Variants in C3orf52 observed in about 807,000 individuals in gnomAD.
C3orf52 encodes chromosome 3 open reading frame 52, also known as TPA-induced transmembrane protein.
A neutral mutation model predicts 24.8 loss-of-function variants in C3orf52; 22 were observed. The ratio of observed to expected loss-of-function variants is 0.89; its 90% CI spans 0.63 to 1.27. The LOEUF (loss-of-function observed/expected upper bound fraction) is 1.27, where lower values mean the gene tolerates loss of function less well. C3orf52 is among the 50% of genes most tolerant of loss of function. C3orf52 has a pLI of 0.00. For synonymous variants in C3orf52, 93 were observed against 100.2 expected, an observed-to-expected ratio of 0.93 and a Z score of 0.43; for missense variants, 265 against 260.7, an observed-to-expected ratio of 1.02 and a Z score of -0.11.
Position 112,113,080 on chromosome 3 carries a change from T to A in C3orf52, c.584T>A (p.Phe195Tyr). 4.3e-6 allele frequency: 7 copies of A among 1,611,446 alleles called. No homozygotes were observed. The highest frequency in any genetic ancestry group is 5.9e-6 in the Non-Finnish European group (7 of 1,178,916). ...GTGCTGGGCATTTTGCTACAGGATT[T>A]CCGTGATCAGAATATACCTGGTTGT... is the stretch of plus-strand genomic sequence containing the variant. ...ELVLGILLQD[F>Y]RDQNIPGCES... Residue 195 changes from phenylalanine to tyrosine, a missense_variant, in exon 5 of 6, where the codon TTC becomes TAC. Phe to Tyr is a conservative substitution (Grantham distance 22). Transcript: ENST00000264848.
Position 112,116,579 on chromosome 3 carries a change from C to T in C3orf52, c.650-63C>T, listed in dbSNP as rs554992404. 213 of 1,340,298 alleles carry T rather than the reference C, an allele frequency of 1.6e-4. 2 individuals carry two copies. The South Asian group carries it at 2.0e-3, about 13-fold the overall frequency. 83.0% of individuals were successfully genotyped at this position (1,340,298 alleles called of 1,614,324 possible). ...AAAATTCAATGAAATGAAATGAAAA[C>T]GTAAGCATTTAATAGTGGTTTTAAA... On this transcript the variant is annotated intron_variant, in intron 5 of 5. Transcript: ENST00000264848.
chr3:112,127,905 G>C, intron 4 of C3orf52: 1 of 809,970 alleles, frequency 1.2e-6, no homozygotes, highest in Non-Finnish European at 2.1e-6. Context: ...ATTGTATCTG[G>C]GCTACTGACA....
chr3:112,130,421 G>T (rs1205867951), downstream of C3orf52: 41 of 1,596,500 alleles, frequency 2.6e-5, no homozygotes, highest in Non-Finnish European at 3.3e-5. Context: ...GGTCTGGGGG[G>T]TGTTTGGTTG....
intron 4 of C3orf52, chr3:112,109,874 C>A: frequency 2.8e-6 from 1 of 356,406 alleles, no homozygotes; most frequent in Admixed American, 4.2e-5. Flanking sequence ...AAGCCAGTCC[C>A]AGGTAAACCA....
intron 5 of C3orf52, among the ~76,000 whole-genome samples, chr3:112,115,954 A>G (rs1244729816): frequency 1.3e-5 from 2 of 152,098 alleles, no homozygotes; most frequent in African/African-American, 4.8e-5. Context: ...AGGAGGGGGA[A>G]GTCTGTTTTA....
At chr3:112,106,504 A>T (rs1446297539) in intron 3 of C3orf52, among the ~76,000 whole-genome samples, 1 of 152,030 alleles carries the variant, frequency 6.6e-6, no homozygotes, top group Non-Finnish European at 1.5e-5. Flanking sequence ...CACTCCTATA[A>T]CCCAGGAAAC....
chr3:112,133,260 G>A, downstream of C3orf52: 8 of 853,994 alleles, frequency 9.4e-6, no homozygotes, highest in South Asian at 1.1e-4. Context: ...AAGGAGAAGG[G>A]TGTCTCTGCA....
intron 2 of C3orf52, among the ~76,000 whole-genome samples, chr3:112,099,085 C>T (rs1288471713): frequency 1.3e-5 from 2 of 152,146 alleles, no homozygotes; most frequent in South Asian, 2.1e-4. Context: ...TGCTCTTTCT[C>T]TCTCTCTCCT....
At chr3:112,120,360 A>G (rs565112768), downstream of C3orf52, among the ~76,000 whole-genome samples, 34 of 152,330 alleles carry the variant, frequency 2.2e-4, no homozygotes, top group South Asian at 3.1e-3. Context: ...CGAAGCATCT[A>G]TCACTCAAGT....
At chr3:112,108,992 T>C (rs980920560) in intron 3 of C3orf52, among the ~76,000 whole-genome samples, 6 of 152,206 alleles carry the variant, frequency 3.9e-5, no homozygotes, top group African/African-American at 1.4e-4. Flanking sequence ...ACAGGTGTCA[T>C]TATTTTTTAT....
intron 2 of C3orf52, among the ~76,000 whole-genome samples, chr3:112,095,657 T>A (rs1011984469): frequency 6.6e-6 from 1 of 152,260 alleles, no homozygotes; most frequent in Non-Finnish European, 1.5e-5. Context: ...TAAATTTGTG[T>A]TCGAACATGT....
At chr3:112,133,023 C>CT, downstream of C3orf52, 1 of 1,526,970 alleles carries the variant, frequency 6.5e-7, no homozygotes, top group Non-Finnish European at 9.0e-7. Context: ...TACTAGCTTT[C>CT]TTTTTCTCTT....
At chr3:112,133,054 C>G (rs1224369117), downstream of C3orf52, 2 of 1,601,998 alleles carry the variant, frequency 1.2e-6, no homozygotes, top group Non-Finnish European at 1.7e-6. Flanking sequence ...TTGTCCTGTC[C>G]CATCTCCTCT....
At chr3:112,123,581 G>A (rs1265833360) in intron 4 of C3orf52, 3 of 1,614,118 alleles carry the variant, frequency 1.9e-6, no homozygotes. Flanking sequence ...CATGCCTGGG[G>A]TCTGTAGAAG....
At chr3:112,107,443 T>C (rs1559974073) in intron 3 of C3orf52, among the ~76,000 whole-genome samples, 1 of 152,240 alleles carries the variant, frequency 6.6e-6, no homozygotes, top group Non-Finnish European at 1.5e-5. Context: ...GGCAACATCC[T>C]GTGCATTGGG....
intron 4 of C3orf52, chr3:112,123,719 A>T: frequency 6.2e-7 from 1 of 1,613,968 alleles, no homozygotes; most frequent in Non-Finnish European, 8.5e-7. Flanking sequence ...AGAGAACCCG[A>T]TGATTGATGA....
rs60685453 is a variant in C3orf52, at chr3:112,088,701, T to C, written c.138+2156T>C. ...TATCTATCTATTATCTATCAGCATTTAATTTAAATATGTTATATATAATTT... is the reference window on the plus strand; with the variant it reads ...TATCTATCTATTATCTATCAGCATTCAATTTAAATATGTTATATATAATTT... On this transcript the variant is annotated intron_variant, in intron 1 of 5. Transcript: ENST00000264848. Among the ~76,000 whole-genome samples the C allele has an allele frequency of 7.0e-3, 1,067 of 152,318 alleles. 11 individuals are homozygous for C. Among genetic ancestry groups the C allele is most frequent in the African/African-American group, 0.023 (972 of 41,562 alleles).
At position 112,093,248 on chromosome 3, in the gene C3orf52, C is replaced by T. The variant is rs189371208; in HGVS notation, c.139-112C>T. 76 of 1,097,376 alleles carry T rather than the reference C, an allele frequency of 6.9e-5. No homozygotes were observed. The East Asian group carries it at 1.9e-3, about 28-fold the overall frequency. The allele number at this position is 1,097,376 out of a possible 1,614,324, so 68.0% of individuals were successfully genotyped here. Reference sequence around the variant, plus strand: ...AAACTTGATTCAGTAGAGTGTTGCCCTAAGGTCAGGGTCTTGCTGCCTTCA... The same window carrying T: ...AAACTTGATTCAGTAGAGTGTTGCCTTAAGGTCAGGGTCTTGCTGCCTTCA... On this transcript the variant is annotated intron_variant, in intron 1 of 5. Transcript: ENST00000264848.
In C3orf52 at chr3:112,107,200, A is replaced by G. The variant is rs531566575; in HGVS notation, c.397-2343A>G. 5.9e-4 allele frequency among the ~76,000 whole-genome samples: 89 copies of G among 151,470 alleles called. 1 individual carries two copies. The highest frequency in any genetic ancestry group is 1.1e-3 in the Non-Finnish European group (78 of 67,992). ...GTGCAAAACACTGTGCTGGGCCCTA[A>G]AGATTAATAAAGGAAAGAAGGGAAG... On this transcript the variant is annotated intron_variant, in intron 3 of 5. Coordinates refer to ENST00000264848, the MANE Select transcript of C3orf52 (RefSeq NM_024616.3).
Sources: gnomAD v4.1 joint callset for allele counts (sites outside exome capture counted in the v4.1 genomes callset) on GRCh38, gnomAD v4.1.1 for gene constraint, MANE v1.5 for transcripts, NCBI Gene and HGNC (gene_info 2026-07-23, HGNC 2026-07-21) for gene names.